VEGFC: variants seen among roughly 807,000 people sequenced by gnomAD.
VEGFC encodes the protein FLT4 ligand DHM.
In VEGFC, 12 loss-of-function variants were observed where a neutral mutation model predicts 46.1. The ratio of observed to expected loss-of-function variants is 0.26; its 90% CI spans 0.17 to 0.42. The LOEUF (loss-of-function observed/expected upper bound fraction) is 0.42. VEGFC is among the 10% of genes least tolerant of loss of function. The pLI, the probability that VEGFC is intolerant of heterozygous loss-of-function variation, is 1.00. For missense variants in VEGFC, 488 were observed against 529.4 expected, an observed-to-expected ratio of 0.92 and a Z score of 0.77; for synonymous variants, 232 against 195.5, an observed-to-expected ratio of 1.19 and a Z score of -1.56.
chr4:176,740,729 T>C (rs969405550), intron 1 of VEGFC, among the ~76,000 whole-genome samples: 1 of 151,480 alleles, frequency 6.6e-6, no homozygotes, highest in African/African-American at 2.4e-5. Context: ...CCACAGGTCA[T>C]GGAGACATTT....
At chr4:176,755,922 T>C (rs1478277369) in intron 1 of VEGFC, among the ~76,000 whole-genome samples, 1 of 152,068 alleles carries the variant, frequency 6.6e-6, no homozygotes, top group Non-Finnish European at 1.5e-5. Flanking sequence ...TGATTTATTA[T>C]ATGAATGCTA....
chr4:176,770,979 T>TAC (rs148140472), intron 1 of VEGFC, among the ~76,000 whole-genome samples: 6,874 of 148,420 alleles, frequency 0.046, 234 homozygotes, highest in Admixed American at 0.1. Flanking sequence ...AAGTAACTGA[T>TAC]ACACACACAC....
chr4:176,689,765 T>G (rs536527921), intron 4 of VEGFC: 4 of 152,326 alleles, frequency 2.6e-5, no homozygotes, highest in African/African-American at 9.6e-5. Context: ...AAAGTGACAA[T>G]TTCTCATACA....
chr4:176,778,780 T>G (rs1735859244), intron 1 of VEGFC, among the ~76,000 whole-genome samples: 1 of 152,132 alleles, frequency 6.6e-6, no homozygotes, highest in Admixed American at 6.5e-5. Flanking sequence ...AAACACCCCC[T>G]AGTTTGCATG....
intron 4 of VEGFC, among the ~76,000 whole-genome samples, chr4:176,689,923 A>G (rs1022835487): frequency 6.6e-6 from 1 of 152,202 alleles, no homozygotes; most frequent in African/African-American, 2.4e-5. Flanking sequence ...ATTAGGTATC[A>G]ATTATTTTGT....
intron 1 of VEGFC, among the ~76,000 whole-genome samples, chr4:176,747,979 A>G (rs1735284118): frequency 6.6e-6 from 1 of 151,772 alleles, no homozygotes; most frequent in South Asian, 2.1e-4. Context: ...TAAAATATAT[A>G]AAAATTTCAT....
rs1216201843 is a variant in VEGFC at position 176,792,515 on chromosome 4, G to T, written c.-204C>A. On this transcript the variant is annotated 5_prime_UTR_variant, in exon 1 of 7. Transcript: ENST00000618562. This position sits in a 1 kb window ranked among gnomAD's most constrained non-coding sequence, Gnocchi z 6.3. ...GCAGGGCGCCCTCCCAGCCAGTGCC[G>T]GGGAAAGGCGGCGGGTGTCAGGTAA... 4 of 403,478 alleles carry T rather than the reference G, an allele frequency of 9.9e-6. No homozygotes were observed. The highest frequency in any genetic ancestry group is 1.7e-5 in the Non-Finnish European group (4 of 230,572). 25.0% of individuals were successfully genotyped at this position (403,478 alleles called of 1,614,324 possible).
At chr4:176,752,940 T>C (rs1735364514) in intron 1 of VEGFC, among the ~76,000 whole-genome samples, 1 of 151,958 alleles carries the variant, frequency 6.6e-6, no homozygotes, top group Admixed American at 6.6e-5. Context: ...AACTATAGAA[T>C]ATGTTCAATA....
intron 1 of VEGFC, among the ~76,000 whole-genome samples, chr4:176,757,579 C>T (rs193063592): frequency 7.1e-6 from 1 of 140,090 alleles, no homozygotes; most frequent in African/African-American, 2.6e-5. Flanking sequence ...ATTACCAGGG[C>T]TAAAAAACTT....
chr4:176,774,754 A>G (rs1489529454), intron 1 of VEGFC, among the ~76,000 whole-genome samples: 1 of 152,020 alleles, frequency 6.6e-6, no homozygotes, highest in Non-Finnish European at 1.5e-5. Flanking sequence ...GCACTTGTAT[A>G]CATATGTAAC....
chr4:176,756,839 A>C (rs762062494), intron 1 of VEGFC, among the ~76,000 whole-genome samples: 6 of 152,128 alleles, frequency 3.9e-5, no homozygotes, highest in Admixed American at 3.3e-4. Context: ...AAGGATGATG[A>C]CAGCTTAGCC....
intron 3 of VEGFC, 143 bp from the exon 4 acceptor site, chr4:176,711,793 T>C (rs962853807): frequency 1.4e-6 from 1 of 732,806 alleles, no homozygotes; most frequent in Non-Finnish European, 2.1e-6. Flanking sequence ...GTTTTTATGA[T>C]TACAAAGTAA....
chr4:176,779,577 CA>C (rs751867941), intron 1 of VEGFC, among the ~76,000 whole-genome samples: 2 of 152,136 alleles, frequency 1.3e-5, no homozygotes, highest in Admixed American at 6.5e-5. Context: ...GGCACATCAT[CA>C]AGTGGGGTGA....
intron 3 of VEGFC, among the ~76,000 whole-genome samples, chr4:176,721,167 T>C (rs1441275486): frequency 1.3e-5 from 2 of 152,090 alleles, no homozygotes; most frequent in Non-Finnish European, 2.9e-5. Flanking sequence ...GCATTGACAT[T>C]TGAGGCTGGA....
At chr4:176,782,322 G>T (rs1735930367) in intron 1 of VEGFC, among the ~76,000 whole-genome samples, 1 of 152,018 alleles carries the variant, frequency 6.6e-6, no homozygotes, top group South Asian at 2.1e-4. Context: ...AAAATAGCTG[G>T]GTGGGGTGGC....
In VEGFC at chr4:176,687,582, A is replaced by G. The variant is rs1172709868; in HGVS notation, c.812-62T>C. 3.6e-6 allele frequency: 5 copies of G among 1,386,308 alleles called. No individual in the cohort carries two copies. In the African/African-American group the frequency reaches 7.3e-5, roughly 20 times the overall value. The allele number at this position is 1,386,308 out of a possible 1,614,324, so 85.9% of individuals were successfully genotyped here. On this transcript the variant is annotated intron_variant, in intron 5 of 6. Transcript: ENST00000618562. ...CTTGGTTCTGGGTGTGGCATGAAACAAAAGCTTTTAAAAGCATCTTCCTTT... is the reference window on the plus strand; with the variant it reads ...CTTGGTTCTGGGTGTGGCATGAAACGAAAGCTTTTAAAAGCATCTTCCTTT...
At chr4:176,738,580 A>G (rs1417831529) in intron 1 of VEGFC, among the ~76,000 whole-genome samples, 1 of 152,074 alleles carries the variant, frequency 6.6e-6, no homozygotes, top group African/African-American at 2.4e-5. Flanking sequence ...TAAATGTAAA[A>G]CTCAAAACTA....
chr4:176,689,149 T>A (rs1734101799), intron 4 of VEGFC, among the ~76,000 whole-genome samples: 1 of 152,174 alleles, frequency 6.6e-6, no homozygotes. Context: ...TTCACACTCA[T>A]TATATATTGT....
At chr4:176,743,249 A>T (rs1471268820) in intron 1 of VEGFC, among the ~76,000 whole-genome samples, 1 of 152,072 alleles carries the variant, frequency 6.6e-6, no homozygotes, top group Non-Finnish European at 1.5e-5. Context: ...AGTAGATGAT[A>T]GAAGCTTGTT....
Sources: allele counts gnomAD v4.1 joint callset (sites outside exome capture counted in the v4.1 genomes callset), GRCh38; gene constraint gnomAD v4.1.1; non-coding constraint Gnocchi (gnomAD v3.1); transcripts MANE v1.5; gene names NCBI Gene and HGNC (gene_info 2026-07-23, HGNC 2026-07-21).